Variants in QTMAN observed in about 807,000 individuals in gnomAD.
QTMAN encodes the protein tRNA-queuosine alpha-mannosyltransferase.
At chr2:144,255,515 A>G in the QTMAN span, among the ~76,000 whole-genome samples, 2 of 152,216 alleles carry the variant, frequency 1.3e-5, no homozygotes, top group Non-Finnish European at 2.9e-5. Context: ...TAAATTACCC[A>G]GTCTCGGGTA....
chr2:144,165,876 T>C, the QTMAN span, among the ~76,000 whole-genome samples: 2 of 152,090 alleles, frequency 1.3e-5, no homozygotes, highest in African/African-American at 4.8e-5. Flanking sequence ...TTCAACGTCA[T>C]CCTTATTCAT....
the QTMAN span, among the ~76,000 whole-genome samples, chr2:144,169,765 C>T: frequency 1.3e-5 from 2 of 152,112 alleles, no homozygotes; most frequent in South Asian, 2.1e-4. Flanking sequence ...ACTGTCCTCT[C>T]AAGATTATAT....
chr2:144,090,136 C>CA, the QTMAN span, among the ~76,000 whole-genome samples: 313 of 151,406 alleles, frequency 2.1e-3, no homozygotes, highest in African/African-American at 6.1e-3. Flanking sequence ...TCTCTAGATG[C>CA]AAAAAAAAGG....
At chr2:144,180,721 G>A in the QTMAN span, among the ~76,000 whole-genome samples, 5 of 152,114 alleles carry the variant, frequency 3.3e-5, no homozygotes, top group Admixed American at 3.3e-4. Context: ...AGGTCCCATT[G>A]GCCAATGACT....
At chr2:144,148,534 T>C in the QTMAN span, among the ~76,000 whole-genome samples, 1 of 151,844 alleles carries the variant, frequency 6.6e-6, no homozygotes, top group South Asian at 2.1e-4. Flanking sequence ...AAATTCTATA[T>C]TCCATAAACA....
the QTMAN span, among the ~76,000 whole-genome samples, chr2:144,212,140 A>G: frequency 6.6e-6 from 1 of 152,230 alleles, no homozygotes; most frequent in East Asian, 1.9e-4. Flanking sequence ...CAGAAACCTT[A>G]AATTATGAAA....
At chr2:144,204,675 T>C in the QTMAN span, among the ~76,000 whole-genome samples, 1 of 152,090 alleles carries the variant, frequency 6.6e-6, no homozygotes. Context: ...ATCATGCTGG[T>C]ATAAAGACAC....
the QTMAN span, among the ~76,000 whole-genome samples, chr2:144,160,677 C>A: frequency 2.6e-5 from 4 of 152,114 alleles, no homozygotes; most frequent in African/African-American, 9.7e-5. Flanking sequence ...CCTAACAAAG[C>A]ATTACAGGGC....
the QTMAN span, among the ~76,000 whole-genome samples, chr2:144,106,338 A>G: frequency 6.6e-6 from 1 of 152,218 alleles, no homozygotes; most frequent in African/African-American, 2.4e-5. Context: ...AAGACCCATC[A>G]GTGTGCTGCA....
At chr2:144,170,057 C>T in the QTMAN span, among the ~76,000 whole-genome samples, 8 of 152,040 alleles carry the variant, frequency 5.3e-5, no homozygotes, top group South Asian at 2.1e-4. Context: ...TTTGATTTAA[C>T]ACTTTTGTAA....
At chr2:144,297,577 CTTTT>C in the QTMAN span, among the ~76,000 whole-genome samples, 1 of 119,302 alleles carries the variant, frequency 8.4e-6, no homozygotes, top group East Asian at 2.4e-4. Flanking sequence ...AGGATTCCGT[CTTTT>C]TTTTTTTTTT....
the QTMAN span, among the ~76,000 whole-genome samples, chr2:143,960,175 A>C: frequency 3.9e-5 from 6 of 152,114 alleles, no homozygotes; most frequent in Non-Finnish European, 7.4e-5. Context: ...TGTGTCAGAT[A>C]CAACTGCCAT....
the QTMAN span, chr2:144,142,101 C>A: frequency 7.1e-7 from 1 of 1,416,908 alleles, no homozygotes; most frequent in Non-Finnish European, 9.8e-7. Flanking sequence ...CAGACTCATT[C>A]AGAGTAATTT....
chr2:144,051,155 A>G, the QTMAN span, among the ~76,000 whole-genome samples: 2 of 152,108 alleles, frequency 1.3e-5, no homozygotes, highest in South Asian at 4.1e-4. Flanking sequence ...TATTGATCTA[A>G]TAGTTAAGAT....
the QTMAN span, among the ~76,000 whole-genome samples, chr2:144,160,047 G>A: frequency 6.6e-6 from 1 of 152,072 alleles, no homozygotes; most frequent in African/African-American, 2.4e-5. Context: ...CCAGTTATGA[G>A]ATGATTAGAG....
chr2:144,017,407 A>G, the QTMAN span, among the ~76,000 whole-genome samples: 22 of 152,152 alleles, frequency 1.4e-4, no homozygotes, highest in African/African-American at 4.8e-4. Context: ...AAGTCATTTA[A>G]TTTTTCTAAA....
At chr2:144,221,556 T>C in the QTMAN span, among the ~76,000 whole-genome samples, 5 of 152,146 alleles carry the variant, frequency 3.3e-5, no homozygotes, top group Non-Finnish European at 7.4e-5. Context: ...GGGAATCATT[T>C]TGTTTTCCTC....
the QTMAN span, among the ~76,000 whole-genome samples, chr2:143,971,037 G>T: frequency 6.6e-6 from 1 of 151,922 alleles, no homozygotes; most frequent in Non-Finnish European, 1.5e-5. Flanking sequence ...ACATCTTAAG[G>T]CTGGACTACA....
the QTMAN span, among the ~76,000 whole-genome samples, chr2:144,318,116 A>G: frequency 2.0e-5 from 3 of 151,818 alleles, no homozygotes; most frequent in Non-Finnish European, 2.9e-5. Context: ...ATGGGATATC[A>G]ATGTTAAAAA....
Sources: allele counts gnomAD v4.1 joint callset (sites outside exome capture counted in the v4.1 genomes callset), GRCh38; gene constraint gnomAD v4.1.1; transcripts MANE v1.5; gene names NCBI Gene and HGNC (gene_info 2026-07-23, HGNC 2026-07-21).